Variants in NUDT9 observed in about 807,000 individuals in gnomAD.
NUDT9 encodes the protein ADP-ribose pyrophosphatase.
Under a neutral mutation model 41.0 loss-of-function variants are expected in NUDT9, and 31 were observed. That is an observed-to-expected ratio of 0.76 (90% CI 0.57 to 1.02). The LOEUF is 1.02. NUDT9 is among the 50% of genes least tolerant of loss of function. The pLI, the probability that NUDT9 is intolerant of heterozygous loss-of-function variation, is 0.00. For synonymous variants in NUDT9, 146 were observed against 147.6 expected (o/e 0.99, Z 0.08); for missense variants, 380 against 431.4 (o/e 0.88, Z 1.06).
chr4:87,422,750 A>G lies in NUDT9; in HGVS notation c.-156A>G. The G allele has an allele frequency of 1.8e-6, 1 of 551,822 alleles. No homozygotes were observed. The highest frequency in any genetic ancestry group is 2.2e-5 in the South Asian group (1 of 44,600). The allele number at this position is 551,822 out of a possible 1,614,324, so 34.2% of individuals were successfully genotyped here. A position where few individuals can be genotyped will look rare whatever the true frequency, so the allele number is the denominator to read the frequency against. Reference sequence around the variant, plus strand: ...GGAGGGCTCTTGATCTGTGATTTATAGATAGGCACAGCTACTCCCGTTCGG... The same window carrying G: ...GGAGGGCTCTTGATCTGTGATTTATGGATAGGCACAGCTACTCCCGTTCGG... On this transcript the variant is annotated 5_prime_UTR_variant, in exon 1 of 8. In the 5' UTR this introduces an upstream ATG that the reference lacks. Transcript: ENST00000302174.
chr4:87,433,588 G>C (rs1193963560), intron 1 of NUDT9, among the ~76,000 whole-genome samples: 2 of 152,200 alleles, frequency 1.3e-5, no homozygotes, highest in Non-Finnish European at 2.9e-5. Flanking sequence ...AAATTGACTG[G>C]TATTGTGAGA....
rs531279355 is a variant in NUDT9, at chr4:87,452,729, C to T, written c.789+994C>T. Among the ~76,000 whole-genome samples the T allele has an allele frequency of 1.1e-4, 16 of 151,518 alleles. No individual in the cohort carries two copies. The South Asian group carries it at 3.3e-3, about 32-fold the overall frequency. On this transcript the variant is annotated intron_variant, in intron 6 of 7. Transcript: ENST00000302174. ...TCGACCTCCCAAAGTGCTAGGATTA[C>T]AGGTGTGAGCCTGGCATTCCGTGCT...
chr4:87,449,033 T>TAAAGAA (rs1722593712), intron 4 of NUDT9, 109 bp from the exon 5 acceptor site: 1 of 614,144 alleles, frequency 1.6e-6, no homozygotes, highest in Admixed American at 2.9e-5. Flanking sequence ...GAGATAAATT[T>TAAAGAA]ATATATACTC....
chr4:87,441,718 G>T (rs1231655832), intron 3 of NUDT9, 111 bp from the exon 4 acceptor site: 1 of 830,858 alleles, frequency 1.2e-6, no homozygotes. Flanking sequence ...CATTGGATTT[G>T]TAAGGACTTA....
At chr4:87,450,166 G>A (rs1156997068) in intron 5 of NUDT9, among the ~76,000 whole-genome samples, 1 of 151,820 alleles carries the variant, frequency 6.6e-6, no homozygotes. Context: ...CACCTGGCCT[G>A]AAGTGGCCGT....
chr4:87,451,987 T>G, intron 6 of NUDT9, among the ~76,000 whole-genome samples: 1 of 152,044 alleles, frequency 6.6e-6, no homozygotes, highest in East Asian at 1.9e-4. Context: ...TTATAATAAC[T>G]TTTTTCTTCT....
chr4:87,433,737 T>C (rs950062732), intron 1 of NUDT9, among the ~76,000 whole-genome samples: 2 of 152,222 alleles, frequency 1.3e-5, no homozygotes, highest in Non-Finnish European at 2.9e-5. Context: ...CAAGATGAGA[T>C]ATGAAAAATT....
intron 4 of NUDT9, among the ~76,000 whole-genome samples, chr4:87,448,138 A>ATTTTTTTTTTTTTTTTTTTTTTTTTTTTT (rs1213818782): frequency 5.4e-5 from 5 of 92,384 alleles, no homozygotes; most frequent in African/African-American, 4.6e-5. Context: ...TTAAAAGCAA[A>ATTTTTTTTTTTTTTTTTTTTTTTTTTTTT]TTTTTTTTTT....
Position 87,449,179 on chromosome 4 carries a change from C to T in NUDT9, c.568C>T (p.Pro190Ser). ...TAGCAGTGGAAATAAAATCATGCAT[C>T]CTGTTTCTGGGAAGCATATCTTACA... ...RDSSGNKIMH[P>S]VSGKHILQFV... The change falls in exon 5 of 8, where the codon CCT becomes TCT. Residue 190 changes from proline to serine, a missense_variant. Pro to Ser is a moderately conservative substitution (Grantham distance 74). Coordinates refer to ENST00000302174, the MANE Select transcript of NUDT9 (RefSeq NM_024047.5). The T allele has an allele frequency of 6.2e-7, 1 of 1,610,746 alleles. No homozygotes were observed. Among genetic ancestry groups the T allele is most frequent in the Non-Finnish European group, 8.5e-7 (1 of 1,177,120 alleles).
At chr4:87,431,900 G>A (rs983708070) in intron 1 of NUDT9, among the ~76,000 whole-genome samples, 6 of 152,178 alleles carry the variant, frequency 3.9e-5, no homozygotes, top group Non-Finnish European at 7.3e-5. Flanking sequence ...TGGCCGGGCT[G>A]GTCTTGAACT....
intron 3 of NUDT9, among the ~76,000 whole-genome samples, chr4:87,441,262 C>G (rs969615430): frequency 1.3e-5 from 2 of 152,162 alleles, no homozygotes; most frequent in African/African-American, 4.8e-5. Context: ...ATTTTTAACA[C>G]TGGATTGTGG....
chr4:87,436,251 C>T (rs190025863), intron 2 of NUDT9, among the ~76,000 whole-genome samples: 3 of 152,318 alleles, frequency 2.0e-5, no homozygotes, highest in Non-Finnish European at 2.9e-5. Flanking sequence ...CCACACTGTG[C>T]ATTAGATCTC....
At chr4:87,423,076 T>G in intron 1 of NUDT9, 64 bp downstream of exon 1, 1 of 1,259,264 alleles carries the variant, frequency 7.9e-7, no homozygotes, top group South Asian at 1.3e-5. Context: ...GGGAAGCAGC[T>G]TTTTTTTCTG....
Position 87,458,322 on chromosome 4 carries a change from A to G in NUDT9, c.*301A>G, listed in dbSNP as rs1160287137. On this transcript the variant is annotated 3_prime_UTR_variant, in exon 8 of 8. Transcript: ENST00000302174. ...CTCTTTGAAGAATCATAATCAGAAT[A>G]AAGATAAATTCTTGATCAGCTATAA... is the stretch of plus-strand genomic sequence containing the variant. The G allele has an allele frequency of 2.8e-5, 6 of 213,162 alleles. No individual in the cohort carries two copies. The highest frequency in any genetic ancestry group is 5.5e-5 in the Non-Finnish European group (6 of 109,166). The allele number at this position is 213,162 out of a possible 1,614,324, so 13.2% of individuals were successfully genotyped here. A position where few individuals can be genotyped will look rare whatever the true frequency, so the allele number is the denominator to read the frequency against.
At chr4:87,453,522 C>A (rs543700931) in intron 6 of NUDT9, among the ~76,000 whole-genome samples, 1 of 151,192 alleles carries the variant, frequency 6.6e-6, no homozygotes, top group African/African-American at 2.4e-5. Context: ...CTCTGCCTCA[C>A]GGGTTCATGC....
chr4:87,451,818 C>A, intron 6 of NUDT9, 83 bp downstream of exon 6: 6 of 1,161,994 alleles, frequency 5.2e-6, no homozygotes, highest in Non-Finnish European at 6.2e-6. Flanking sequence ...ATCTGTATGT[C>A]CTTCTCTAAA....
chr4:87,458,831 AATG>A lies in NUDT9; in HGVS notation c.*811_*813del, dbSNP rs1723096677. The A allele has an allele frequency of 3.9e-5, 6 of 152,228 alleles. No homozygotes were observed. Among genetic ancestry groups the A allele is most frequent in the Admixed American group, 3.9e-4 (6 of 15,276 alleles). 9.4% of individuals were successfully genotyped at this position (152,228 alleles called of 1,614,324 possible). On this transcript the variant is annotated 3_prime_UTR_variant, in exon 8 of 8. Transcript: ENST00000302174. Reference sequence around the variant, plus strand: ...GCTAGTGAGGTTGTAGAGAAAAAGGAATGCTTATACGCTGTTAGTGGGAGTGTA... The same window carrying A: ...GCTAGTGAGGTTGTAGAGAAAAAGGACTTATACGCTGTTAGTGGGAGTGTA...
intron 2 of NUDT9, 55 bp from the exon 3 acceptor site, chr4:87,438,222 C>A: frequency 2.3e-6 from 2 of 877,848 alleles, no homozygotes; most frequent in Non-Finnish European, 3.8e-6. Flanking sequence ...CATTATTAAG[C>A]TGTTGGTAGT....
intron 5 of NUDT9, 33 bp from the exon 6 acceptor site, chr4:87,451,555 TC>T: frequency 6.3e-7 from 1 of 1,576,294 alleles, no homozygotes; most frequent in Non-Finnish European, 8.7e-7. Flanking sequence ...TCAAAGCTGA[TC>T]CCTTTTTTCA....
Sources: gnomAD v4.1 joint callset for allele counts (sites outside exome capture counted in the v4.1 genomes callset) on GRCh38, gnomAD v4.1.1 for gene constraint, MANE v1.5 for transcripts, NCBI Gene and HGNC (gene_info 2026-07-23, HGNC 2026-07-21) for gene names.